The following CRPPA variants were observed in gnomAD, a reference collection of about 807,000 sequenced individuals.
CRPPA encodes D-ribitol-5-phosphate cytidylyltransferase.
CRPPA carries 43 observed loss-of-function variants against 52.0 expected under a neutral mutation model. The ratio of observed to expected loss-of-function variants is 0.83; its 90% confidence interval spans 0.65 to 1.07. CRPPA has a LOEUF of 1.07. Among genes scored for constraint, CRPPA ranks in the 50% least tolerant of loss-of-function variants. The pLI is 0.00. For missense variants in CRPPA, 629 were observed against 551.7 expected (o/e 1.14, Z -1.40); for synonymous variants, 250 against 203.5 (o/e 1.23, Z -1.94).
At chr7:16,287,220 A>T (rs1272086657) in intron 5 of CRPPA, among the ~76,000 whole-genome samples, 1 of 152,196 alleles carries the variant, frequency 6.6e-6, no homozygotes, top group Non-Finnish European at 1.5e-5. Context: ...TAAGATTTCT[A>T]GCTGAAATCT....
chr7:16,106,283 AT>A (rs1315765709), intron 9 of CRPPA, among the ~76,000 whole-genome samples: 1 of 152,168 alleles, frequency 6.6e-6, no homozygotes, highest in Non-Finnish European at 1.5e-5. Context: ...TCAACCACGC[AT>A]TTCTAAAGAG....
At chr7:16,120,542 C>A (rs1015367567) in intron 9 of CRPPA, among the ~76,000 whole-genome samples, 7 of 152,114 alleles carry the variant, frequency 4.6e-5, no homozygotes, top group Non-Finnish European at 7.4e-5. Context: ...TTTGTAATTT[C>A]TCAAAGAATG....
chr7:16,102,042 C>T (rs904224512), intron 9 of CRPPA, among the ~76,000 whole-genome samples: 2 of 152,094 alleles, frequency 1.3e-5, no homozygotes, highest in East Asian at 3.9e-4. Flanking sequence ...CATCATGGTA[C>T]CTGACTTTAA....
intron 9 of CRPPA, among the ~76,000 whole-genome samples, chr7:16,206,517 AT>A (rs1284832576): frequency 6.6e-6 from 1 of 152,032 alleles, no homozygotes; most frequent in Non-Finnish European, 1.5e-5. Flanking sequence ...TGGCCTAATT[AT>A]TTTTATTGTG....
chr7:16,113,097 A>G (rs547205756), intron 9 of CRPPA, among the ~76,000 whole-genome samples: 93 of 152,168 alleles, frequency 6.1e-4, no homozygotes, highest in Admixed American at 1.3e-3. Flanking sequence ...GTCTCTCTCA[A>G]TGAGAGTCTT....
chr7:16,246,055 T>A (rs1251804732), intron 8 of CRPPA, among the ~76,000 whole-genome samples: 3 of 152,182 alleles, frequency 2.0e-5, no homozygotes, highest in East Asian at 1.9e-4. Context: ...ATAAAAAAAA[T>A]TTCTCTGTAG....
intron 4 of CRPPA, among the ~76,000 whole-genome samples, chr7:16,304,921 C>G (rs1041035566): frequency 1.3e-5 from 2 of 152,160 alleles, no homozygotes; most frequent in African/African-American, 4.8e-5. Flanking sequence ...ATTTTTGAAT[C>G]ATGTTTCAAG....
At chr7:16,397,327 G>A (rs748720555) in intron 2 of CRPPA, among the ~76,000 whole-genome samples, 4 of 152,218 alleles carry the variant, frequency 2.6e-5, no homozygotes, top group Admixed American at 6.5e-5. Flanking sequence ...TGATGGACAC[G>A]TGTGACATGA....
At chr7:16,371,293 T>C (rs553746752) in intron 3 of CRPPA, among the ~76,000 whole-genome samples, 83 of 152,184 alleles carry the variant, frequency 5.5e-4, no homozygotes, top group Middle Eastern at 6.8e-3. Flanking sequence ...AAAATTAAAC[T>C]GTATACCACA....
intron 5 of CRPPA, among the ~76,000 whole-genome samples, chr7:16,286,562 A>ATCAACGGATGC (rs72323274): frequency 0.81 from 122,407 of 151,720 alleles, 50,153 homozygotes; most frequent in African/African-American, 0.94. Flanking sequence ...TTACTCATCA[A>ATCAACGGATGC]TTCCTACCAA....
chr7:16,275,884 A>C, intron 6 of CRPPA, among the ~76,000 whole-genome samples: 1 of 151,906 alleles, frequency 6.6e-6, no homozygotes, highest in East Asian at 1.9e-4. Context: ...AAAAAAGACT[A>C]AACAGCAAAA....
intron 2 of CRPPA, among the ~76,000 whole-genome samples, chr7:16,393,242 C>T (rs1248757786): frequency 2.0e-5 from 3 of 152,060 alleles, no homozygotes; most frequent in African/African-American, 7.2e-5. Flanking sequence ...GTTTAGAATG[C>T]ATATATACAC....
intron 2 of CRPPA, among the ~76,000 whole-genome samples, chr7:16,379,894 G>C (rs1787027164): frequency 2.0e-5 from 3 of 152,222 alleles, no homozygotes; most frequent in Admixed American, 1.3e-4. Flanking sequence ...TTTGGGCTGA[G>C]ACAATGGGGT....
chr7:16,319,951 A>G (rs536562272), intron 3 of CRPPA, among the ~76,000 whole-genome samples: 43 of 152,254 alleles, frequency 2.8e-4, no homozygotes, highest in Non-Finnish European at 4.6e-4. Context: ...TGGTGCTGCT[A>G]GGTCCTGGAC....
chr7:16,280,694 C>G (rs1036113589), intron 5 of CRPPA, among the ~76,000 whole-genome samples: 1 of 152,124 alleles, frequency 6.6e-6, no homozygotes, highest in African/African-American at 2.4e-5. Flanking sequence ...TACCAACTTA[C>G]AAAAATGAAA....
At chr7:16,411,077 T>A (rs2128319285) in intron 1 of CRPPA, among the ~76,000 whole-genome samples, 1 of 152,336 alleles carries the variant, frequency 6.6e-6, no homozygotes, top group Non-Finnish European at 1.5e-5. Flanking sequence ...CAACTTTCAG[T>A]AACATAGTAG....
At chr7:16,313,417 C>A (rs1785077943) in intron 3 of CRPPA, among the ~76,000 whole-genome samples, 1 of 151,434 alleles carries the variant, frequency 6.6e-6, no homozygotes, top group Non-Finnish European at 1.5e-5. Flanking sequence ...AATGTCCGTG[C>A]TTTCATTTCT....
intron 9 of CRPPA, among the ~76,000 whole-genome samples, chr7:16,162,967 CTT>C (rs759839656): frequency 2.3e-4 from 31 of 137,152 alleles, no homozygotes; most frequent in African/African-American, 8.2e-4. Flanking sequence ...TTTTCTTTTT[CTT>C]TCTCTTTTTT....
intron 8 of CRPPA, among the ~76,000 whole-genome samples, chr7:16,245,604 C>G (rs1050034275): frequency 6.6e-6 from 1 of 152,260 alleles, no homozygotes; most frequent in Middle Eastern, 3.4e-3. Context: ...TCTAGTGACA[C>G]ATTTTTCTAT....
Sources: gnomAD v4.1 joint callset for allele counts (sites outside exome capture counted in the v4.1 genomes callset) on GRCh38, gnomAD v4.1.1 for gene constraint, MANE v1.5 for transcripts, NCBI Gene and HGNC (gene_info 2026-07-23, HGNC 2026-07-21) for gene names.